VAMP4: variants seen among roughly 807,000 people sequenced by gnomAD.
VAMP4 encodes the protein vesicle associated membrane protein 4.
Under a neutral mutation model 23.5 loss-of-function variants are expected in VAMP4, and 19 were observed. The observed-to-expected ratio is 0.81, with a 90% CI of 0.56 to 1.19. VAMP4 has a LOEUF of 1.19. Among genes scored for constraint, VAMP4 ranks in the 50% most tolerant of loss-of-function variants. The probability of loss-of-function intolerance (pLI) is 0.00; values close to 1 mark genes in which losing one functional copy is unlikely to be tolerated. For synonymous variants in VAMP4, 31 were observed against 51.0 expected (o/e 0.61, Z 1.67); for missense variants, 145 against 168.6 (o/e 0.86, Z 0.78).
intron 3 of VAMP4, among the ~76,000 whole-genome samples, chr1:171,726,532 A>AT (rs1254563367): frequency 6.6e-6 from 1 of 152,166 alleles, no homozygotes; most frequent in Non-Finnish European, 1.5e-5. Context: ...AGGTCAACTA[A>AT]TTTTTTATGA....
At chr1:171,729,270 G>A (rs1044553500) in intron 2 of VAMP4, among the ~76,000 whole-genome samples, 1 of 151,986 alleles carries the variant, frequency 6.6e-6, no homozygotes, top group African/African-American at 2.4e-5. Context: ...TAAATGCTTG[G>A]GACCAGAAGT....
chr1:171,722,915 A>G (rs1655241914), intron 3 of VAMP4, among the ~76,000 whole-genome samples: 1 of 104,406 alleles, frequency 9.6e-6, no homozygotes, highest in Admixed American at 9.2e-5. Context: ...GCATATACCC[A>G]AAGGATTATA....
chr1:171,713,172 G>A (rs1654907393), intron 4 of VAMP4, among the ~76,000 whole-genome samples: 1 of 152,050 alleles, frequency 6.6e-6, no homozygotes, highest in Admixed American at 6.6e-5. Flanking sequence ...ATCCTATAAA[G>A]CATATCCAGC....
intron 2 of VAMP4, among the ~76,000 whole-genome samples, chr1:171,732,362 A>G (rs1462221144): frequency 1.1e-3 from 64 of 60,048 alleles, no homozygotes; most frequent in African/African-American, 6.0e-3. Context: ...CTCTATGGGA[A>G]AAAAAAAAAA....
Position 171,702,734 on chromosome 1 carries a change from GATTT to G in VAMP4, c.*1768_*1771del, listed in dbSNP as rs752006081. The G allele has an allele frequency of 1.3e-5, 2 of 151,924 alleles. No individual in the cohort carries two copies. Among genetic ancestry groups the G allele is most frequent in the Non-Finnish European group, 2.9e-5 (2 of 67,860 alleles). The allele number at this position is 151,924 out of a possible 1,614,324, so 9.4% of individuals were successfully genotyped here. Reference sequence around the variant, plus strand: ...TTTTTCTGGGTATCTTAACTTAAAAGATTTATTAGCTGTTCAGATGCTGTTTATA... The same window carrying G: ...TTTTTCTGGGTATCTTAACTTAAAAGATTAGCTGTTCAGATGCTGTTTATA... On this transcript the variant is annotated 3_prime_UTR_variant, in exon 8 of 8. Transcript: ENST00000236192.
rs1359284101 is a variant in VAMP4 at position 171,702,543 on chromosome 1, T to C, written c.*1963A>G. 2 of 152,030 alleles carry C rather than the reference T, an allele frequency of 1.3e-5. No individual in the cohort carries two copies. The highest frequency in any genetic ancestry group is 2.9e-5 in the Non-Finnish European group (2 of 67,892). 9.4% of individuals were successfully genotyped at this position (152,030 alleles called of 1,614,324 possible). A position where few individuals can be genotyped will look rare whatever the true frequency, so the allele number is the denominator to read the frequency against. The stretch of plus-strand genomic sequence containing the variant: ...TCTTCATCTTCACTTGTAGATATTA[T>C]GGAGAAACCAGATTTCTACATCAAC... On this transcript the variant is annotated 3_prime_UTR_variant, in exon 8 of 8. Transcript: ENST00000236192.
At chr1:171,726,284 T>TCA (rs1446558885) in intron 3 of VAMP4, among the ~76,000 whole-genome samples, 1 of 149,702 alleles carries the variant, frequency 6.7e-6, no homozygotes, top group East Asian at 2.0e-4. Context: ...ACTCCTGACC[T>TCA]TGTGATCCGC....
At chr1:171,724,253 C>T (rs996816191) in intron 3 of VAMP4, among the ~76,000 whole-genome samples, 7 of 141,836 alleles carry the variant, frequency 4.9e-5, no homozygotes, top group African/African-American at 1.8e-4. Context: ...TGTTCTCACT[C>T]ATAGGTGGGA....
intron 2 of VAMP4, among the ~76,000 whole-genome samples, chr1:171,735,527 C>G (rs1655713671): frequency 6.6e-6 from 1 of 152,160 alleles, no homozygotes; most frequent in Non-Finnish European, 1.5e-5. Flanking sequence ...AGGTATTTAC[C>G]TGACATATCT....
chr1:171,709,376 ATTTGT>A lies in VAMP4; in HGVS notation c.345+284_345+288del, dbSNP rs1352562606. 2.6e-5 allele frequency among the ~76,000 whole-genome samples: 4 copies of A among 152,182 alleles called. No individual in the cohort carries two copies. The East Asian group carries it at 5.8e-4, about 22-fold the overall frequency. On this transcript the variant is annotated intron_variant, in intron 6 of 7. Coordinates refer to ENST00000236192, the MANE Select transcript of VAMP4 (RefSeq NM_003762.5). ...TAGTAAATTTCAAGAAAAAATGTAT[ATTTGT>A]TTTAAGTTAATAAGTTTAGAGGTAG...
At chr1:171,720,038 C>A (rs1297903526) in intron 3 of VAMP4, among the ~76,000 whole-genome samples, 1 of 151,396 alleles carries the variant, frequency 6.6e-6, no homozygotes, top group Non-Finnish European at 1.5e-5. Context: ...GAAAAAAAAA[C>A]TGTTTACTGA....
intron 3 of VAMP4, among the ~76,000 whole-genome samples, chr1:171,725,840 A>G (rs1208759338): frequency 2.0e-5 from 3 of 151,350 alleles, no homozygotes; most frequent in African/African-American, 7.3e-5. Context: ...ACAGGTGCAC[A>G]CCACCAGGAC....
chr1:171,736,074 A>G (rs929187293), intron 2 of VAMP4, among the ~76,000 whole-genome samples: 1 of 152,014 alleles, frequency 6.6e-6, no homozygotes, highest in Admixed American at 6.6e-5. Context: ...TCTGCTAGAG[A>G]TGGGGTTTCA....
At chr1:171,710,215 A>G (rs1392832576) in intron 5 of VAMP4, among the ~76,000 whole-genome samples, 3 of 147,920 alleles carry the variant, frequency 2.0e-5, no homozygotes, top group African/African-American at 5.1e-5. Context: ...AAGTCTGTCA[A>G]AGATTAATCA....
At chr1:171,737,755 T>C (rs558903026) in intron 2 of VAMP4, among the ~76,000 whole-genome samples, 1 of 152,286 alleles carries the variant, frequency 6.6e-6, no homozygotes, top group South Asian at 2.1e-4. Flanking sequence ...TCTGAAAAAT[T>C]CCAAATACAT....
chr1:171,734,331 CATT>C, intron 2 of VAMP4, among the ~76,000 whole-genome samples: 1 of 145,342 alleles, frequency 6.9e-6, no homozygotes, highest in East Asian at 2.0e-4. Flanking sequence ...ATCTTAAAAA[CATT>C]ATGCTAAGTC....
At chr1:171,734,596 A>C (rs1655678960) in intron 2 of VAMP4, among the ~76,000 whole-genome samples, 1 of 152,232 alleles carries the variant, frequency 6.6e-6, no homozygotes, top group Non-Finnish European at 1.5e-5. Context: ...GGTGAATTGT[A>C]TGGTACGTGA....
intron 2 of VAMP4, among the ~76,000 whole-genome samples, chr1:171,735,418 A>G (rs189525234): frequency 6.6e-6 from 1 of 152,366 alleles, no homozygotes; most frequent in Admixed American, 6.5e-5. Flanking sequence ...TGAATTACAA[A>G]CAAGTTCCGA....
chr1:171,715,167 A>C (rs537033162), intron 4 of VAMP4, among the ~76,000 whole-genome samples: 2 of 152,352 alleles, frequency 1.3e-5, no homozygotes, highest in African/African-American at 4.8e-5. Context: ...TTGAGCAATT[A>C]ACTGGTAGTA....
Sources: gnomAD v4.1 joint callset for allele counts (sites outside exome capture counted in the v4.1 genomes callset) on GRCh38, gnomAD v4.1.1 for gene constraint, MANE v1.5 for transcripts, NCBI Gene and HGNC (gene_info 2026-07-23, HGNC 2026-07-21) for gene names.